Variants in MAN1A2 observed in about 807,000 individuals in gnomAD.
The protein encoded by MAN1A2 is mannosidase alpha class 1A member 2, also known as mannosyl-oligosaccharide 1,2-alpha-mannosidase IB.
Under a neutral mutation model 75.7 loss-of-function variants are expected in MAN1A2, and 26 were observed. That is an observed-to-expected ratio of 0.34 (90% CI 0.25 to 0.48). The LOEUF is 0.48. Among genes scored for constraint, MAN1A2 ranks in the 20% least tolerant of loss-of-function variants. The pLI is 0.99. For missense variants in MAN1A2, 562 were observed against 775.5 expected, an observed-to-expected ratio of 0.72 and a Z score of 3.27; for synonymous variants, 247 against 264.6, an observed-to-expected ratio of 0.93 and a Z score of 0.65.
chr1:117,520,861 G>T (rs904714377), intron 12 of MAN1A2, among the ~76,000 whole-genome samples: 1 of 151,920 alleles, frequency 6.6e-6, no homozygotes, highest in Non-Finnish European at 1.5e-5. Flanking sequence ...ACATAGCCAA[G>T]GCAAGACTAA....
At chr1:117,515,037 C>A in intron 12 of MAN1A2, 1 of 340,168 alleles carries the variant, frequency 2.9e-6, no homozygotes, top group Non-Finnish European at 6.0e-6. Flanking sequence ...ATACTCTACC[C>A]ATAAATAGCT....
rs1368326358 is a variant in MAN1A2 at position 117,526,876 on chromosome 1, C to CTA, written c.*3920_*3921insAT. ...TCTCTCTCTCTCTCTCTCTCTCTCT[C>CTA]TCTCTATATATATATATATATATAT... On this transcript the variant is annotated 3_prime_UTR_variant, in exon 13 of 13. Coordinates refer to ENST00000356554, the MANE Select transcript of MAN1A2 (RefSeq NM_006699.5). 173 of 67,950 alleles carry CTA rather than the reference C, an allele frequency of 2.5e-3. No individual in the cohort carries two copies. The highest frequency in any genetic ancestry group is 4.1e-3 in the African/African-American group (69 of 16,994). The allele number at this position is 67,950 out of a possible 1,614,324, so 4.2% of individuals were successfully genotyped here.
rs563424735 is a variant in MAN1A2 at position 117,391,168 on chromosome 1, T to C, written c.303-11018T>C. Among the ~76,000 whole-genome samples, 10 of 152,306 alleles carry C rather than the reference T, an allele frequency of 6.6e-5. No homozygotes were observed. The East Asian group carries it at 1.9e-3, about 29-fold the overall frequency. On this transcript the variant is annotated intron_variant, in intron 1 of 12. Transcript: ENST00000356554. ...TCCCATTGTAGCAAAAAACATACTT[T>C]ATATGGTCTGAATACTTTTAATTTC... is the stretch of plus-strand genomic sequence containing the variant.
chr1:117,434,758 TGTGTG>T (rs1648796601), intron 5 of MAN1A2, among the ~76,000 whole-genome samples: 1 of 123,220 alleles, frequency 8.1e-6, no homozygotes, highest in African/African-American at 3.6e-5. Flanking sequence ...TGTGTGTGTG[TGTGTG>T]TGTGTGTGTG....
chr1:117,459,654 A>C (rs12403022), intron 6 of MAN1A2, among the ~76,000 whole-genome samples: 11,615 of 152,286 alleles, frequency 0.076, 499 homozygotes, highest in Middle Eastern at 0.15. Flanking sequence ...TTCAGATAAA[A>C]AATTACTAGA....
Position 117,501,555 on chromosome 1 carries a change from T to C in MAN1A2, c.1678-1300T>C, listed in dbSNP as rs148439674. On this transcript the variant is annotated intron_variant, in intron 11 of 12. Transcript: ENST00000356554. ...TTAAAGATTAGTCATGCCTCCCCAC[T>C]ACTTTCTTATTATTCTTAAACCATT... Among the ~76,000 whole-genome samples, 912 of 151,880 alleles carry C rather than the reference T, an allele frequency of 6.0e-3. 12 individuals are homozygous for C. Among genetic ancestry groups the C allele is most frequent in the African/African-American group, 0.021 (863 of 41,498 alleles).
At chr1:117,498,346 C>G (rs1403956480) in intron 10 of MAN1A2, among the ~76,000 whole-genome samples, 11 of 151,540 alleles carry the variant, frequency 7.3e-5, no homozygotes. Flanking sequence ...AAATAATAGA[C>G]CTAAAATAAT....
At chr1:117,477,823 T>C (rs1397989492) in intron 8 of MAN1A2, among the ~76,000 whole-genome samples, 5 of 151,978 alleles carry the variant, frequency 3.3e-5, no homozygotes, top group Non-Finnish European at 7.4e-5. Context: ...GGCATTCAAA[T>C]AGGAAGAGAG....
chr1:117,522,178 G>T (rs1651887634), intron 12 of MAN1A2, among the ~76,000 whole-genome samples: 1 of 151,710 alleles, frequency 6.6e-6, no homozygotes. Context: ...AGTAACTTAT[G>T]GAAAAAAATG....
intron 8 of MAN1A2, among the ~76,000 whole-genome samples, chr1:117,477,113 A>G (rs938986238): frequency 2.6e-5 from 4 of 151,974 alleles, no homozygotes; most frequent in Non-Finnish European, 5.9e-5. Context: ...GAATAGACCA[A>G]TAACAAGTTC....
intron 8 of MAN1A2, among the ~76,000 whole-genome samples, chr1:117,468,939 A>C (rs1650057278): frequency 6.6e-6 from 1 of 152,154 alleles, no homozygotes; most frequent in Non-Finnish European, 1.5e-5. Flanking sequence ...ATTACTTTTG[A>C]TGTTAGCTTA....
rs1372417285 is a variant in MAN1A2 at position 117,483,600 on chromosome 1, A to G, written c.1169-9547A>G. ...TTGCACATTGATTTTGTATCCTGAG[A>G]CTTTGCTGAAGTTGCTTATCAGCTT... On this transcript the variant is annotated intron_variant, in intron 8 of 12. Transcript: ENST00000356554. 3.9e-5 allele frequency among the ~76,000 whole-genome samples: 6 copies of G among 152,182 alleles called. No homozygotes were observed. In the East Asian group the frequency reaches 1.2e-3, roughly 30 times the overall value.
At position 117,502,919 on chromosome 1, in the gene MAN1A2, C is replaced by T; in HGVS notation, c.1742C>T (p.Thr581Ile). The change falls in exon 12 of 13, where the codon ACT becomes ATT. Residue 581 changes from threonine to isoleucine, a missense_variant. By Grantham distance (89) the Thr-to-Ile change is moderately conservative. This residue lies in a region of MAN1A2 where 434 missense variants were observed against 645.7 expected (regional missense o/e 0.67). Coordinates refer to ENST00000356554, the MANE Select transcript of MAN1A2 (RefSeq NM_006699.5). ...FSGVKDVYSSTPTHDDVQQSF... is the reference protein window; with the variant it reads ...FSGVKDVYSSIPTHDDVQQSF... ...GGAGTCAAAGATGTATATTCCTCTACTCCTACACATGATGATGTACAGCAG... is the reference window on the plus strand; with the variant it reads ...GGAGTCAAAGATGTATATTCCTCTATTCCTACACATGATGATGTACAGCAG... The T allele has an allele frequency of 6.2e-7, 1 of 1,607,876 alleles. No individual in the cohort carries two copies. Among genetic ancestry groups the T allele is most frequent in the Non-Finnish European group, 8.5e-7 (1 of 1,176,370 alleles).
intron 9 of MAN1A2, 45 bp downstream of exon 9, chr1:117,493,307 C>A: frequency 8.0e-7 from 1 of 1,253,756 alleles, no homozygotes; most frequent in Non-Finnish European, 1.2e-6. Flanking sequence ...ATTGAATGTA[C>A]AGTGTATTTT....
chr1:117,386,477 A>G (rs953119), intron 1 of MAN1A2, among the ~76,000 whole-genome samples: 39,379 of 151,976 alleles, frequency 0.26, 5,748 homozygotes, highest in East Asian at 0.48. Context: ...TGCACAATAA[A>G]TAATTGAATT....
intron 4 of MAN1A2, among the ~76,000 whole-genome samples, chr1:117,419,317 G>A (rs1648112896): frequency 6.6e-6 from 1 of 152,072 alleles, no homozygotes; most frequent in Admixed American, 6.6e-5. Context: ...GGACTGGTTG[G>A]AAGGTTATTG....
chr1:117,462,308 A>G (rs756533827), intron 7 of MAN1A2, among the ~76,000 whole-genome samples: 18 of 152,178 alleles, frequency 1.2e-4, no homozygotes, highest in Non-Finnish European at 1.0e-4. Context: ...TATATAATAA[A>G]ATACAAAATA....
chr1:117,401,729 A>G (rs969989741), intron 1 of MAN1A2, among the ~76,000 whole-genome samples: 1 of 152,178 alleles, frequency 6.6e-6, no homozygotes, highest in African/African-American at 2.4e-5. Context: ...GTATCTATGC[A>G]CTTTTGAAAA....
intron 5 of MAN1A2, among the ~76,000 whole-genome samples, chr1:117,431,304 A>G (rs536398769): frequency 6.6e-5 from 10 of 151,480 alleles, no homozygotes; most frequent in African/African-American, 2.2e-4. Flanking sequence ...AACATAAGCA[A>G]ATGTGTAGGC....
Sources: gnomAD v4.1 joint callset for allele counts (sites outside exome capture counted in the v4.1 genomes callset) on GRCh38, gnomAD v4.1.1 for gene constraint, gnomAD v4.1.1 regional missense constraint, MANE v1.5 for transcripts, NCBI Gene and HGNC (gene_info 2026-07-23, HGNC 2026-07-21) for gene names.